The following MIGA2 variants were observed in gnomAD, a reference collection of about 807,000 sequenced individuals.
MIGA2 encodes the protein mitoguardin 2.
MIGA2 carries 36 observed loss-of-function variants against 69.9 expected under a neutral mutation model. The observed-to-expected ratio is 0.52, with a 90% confidence interval of 0.39 to 0.68. MIGA2 has a LOEUF of 0.68. MIGA2 is among the 30% of genes least tolerant of loss of function. MIGA2 has a pLI of 0.00. For missense variants in MIGA2, 660 were observed against 787.7 expected, an observed-to-expected ratio of 0.84 and a Z score of 1.94; for synonymous variants, 333 against 349.2, an observed-to-expected ratio of 0.95 and a Z score of 0.52.
intron 1 of MIGA2, among the ~76,000 whole-genome samples, chr9:129,037,541 G>A (rs1844660289): frequency 1.3e-5 from 2 of 152,116 alleles, no homozygotes; most frequent in South Asian, 4.1e-4. Flanking sequence ...GGTGCCAGGG[G>A]GACGGACACA....
At chr9:129,048,143 T>G (rs1845327299) in intron 3 of MIGA2, among the ~76,000 whole-genome samples, 1 of 152,236 alleles carries the variant, frequency 6.6e-6, no homozygotes, top group African/African-American at 2.4e-5. Flanking sequence ...GGAAAGCAGA[T>G]GGACCTCATT....
intron 1 of MIGA2, among the ~76,000 whole-genome samples, chr9:129,037,248 G>C (rs17485793): frequency 0.019 from 2,940 of 152,208 alleles, 103 homozygotes; most frequent in African/African-American, 0.067. Flanking sequence ...CGGAATGAGT[G>C]AGTGCACAGG....
At chr9:129,041,371 G>C (rs1844896965) in intron 2 of MIGA2, among the ~76,000 whole-genome samples, 1 of 151,844 alleles carries the variant, frequency 6.6e-6, no homozygotes, top group Non-Finnish European at 1.5e-5. Context: ...GCAGGTGCCT[G>C]TAATCCCAGC....
At position 129,070,490 on chromosome 9, in the gene MIGA2, C is replaced by T. The variant is rs1158442923; in HGVS notation, c.*37C>T. ...GCTGGGGGGTGGCAGAGAGAAGGCT[C>T]CTCCTCCCTTCCCTGGGTTGGTATC... On this transcript the variant is annotated 3_prime_UTR_variant, in exon 16 of 16. Transcript: ENST00000684074. 2.0e-6 allele frequency: 3 copies of T among 1,482,186 alleles called. No individual in the cohort carries two copies. Among genetic ancestry groups the T allele is most frequent in the Non-Finnish European group, 2.7e-6 (3 of 1,114,054 alleles). The allele number at this position is 1,482,186 out of a possible 1,614,324, so 91.8% of individuals were successfully genotyped here. A position where few individuals can be genotyped will look rare whatever the true frequency, so the allele number is the denominator to read the frequency against.
intron 6 of MIGA2, chr9:129,051,321 A>G: frequency 5.6e-6 from 1 of 179,504 alleles, no homozygotes; most frequent in Non-Finnish European, 1.1e-5. Context: ...CTCTGTTGCC[A>G]GGCTGGAGTG....
intron 3 of MIGA2, among the ~76,000 whole-genome samples, chr9:129,043,193 C>CA (rs369584721): frequency 0.072 from 9,395 of 130,604 alleles, 394 homozygotes; most frequent in East Asian, 0.13. Context: ...GACTCCGTCT[C>CA]AAAAAAAAAA....
Position 129,069,707 on chromosome 9 carries a change from G to A in MIGA2, c.1459-142G>A, listed in dbSNP as rs1318130731. ...AAGTTAAAATGGGCTTCGAAAGCTT[G>A]AGTCACTGCCCAGGGTCATCTAGCA... On this transcript the variant is annotated intron_variant, in intron 14 of 15. Transcript: ENST00000684074. This position sits in a 1 kb window ranked among gnomAD's most constrained non-coding sequence, Gnocchi z 4.9. The A allele has an allele frequency of 1.1e-5, 8 of 714,362 alleles. No homozygotes were observed. Among genetic ancestry groups the A allele is most frequent in the Non-Finnish European group, 1.8e-5 (7 of 393,532 alleles). The allele number at this position is 714,362 out of a possible 1,614,324, so 44.3% of individuals were successfully genotyped here.
intron 12 of MIGA2, 89 bp downstream of exon 12, chr9:129,067,960 C>T: frequency 6.9e-7 from 1 of 1,447,188 alleles, no homozygotes; most frequent in Non-Finnish European, 9.5e-7. Context: ...TAGCTCAGTT[C>T]CAAGCGGCTG....
chr9:129,051,251 G>T (rs1845516203), intron 6 of MIGA2: 1 of 173,270 alleles, frequency 5.8e-6, no homozygotes, highest in Non-Finnish European at 1.1e-5. Flanking sequence ...TTTCAACAGT[G>T]AATTATTTAT....
Position 129,059,006 on chromosome 9 carries a change from A to G in MIGA2, c.676-148A>G. On this transcript the variant is annotated intron_variant, in intron 6 of 15. Transcript: ENST00000684074. This position sits in a 1 kb window ranked among gnomAD's most constrained non-coding sequence, Gnocchi z 5.6. ...GCCAGAAGTGGCTGGTGGCTCCTCTATCGAGCAGTGAAGTTTTGGAGTTTA... is the reference window on the plus strand; with the variant it reads ...GCCAGAAGTGGCTGGTGGCTCCTCTGTCGAGCAGTGAAGTTTTGGAGTTTA... 3.1e-6 allele frequency: 2 copies of G among 646,310 alleles called. No homozygotes were observed. The highest frequency in any genetic ancestry group is 5.5e-6 in the Non-Finnish European group (2 of 366,928). 40.0% of individuals were successfully genotyped at this position (646,310 alleles called of 1,614,324 possible).
chr9:129,049,782 A>T (rs1407868721), intron 5 of MIGA2, 45 bp from the exon 6 acceptor site: 1 of 1,611,424 alleles, frequency 6.2e-7, no homozygotes, highest in Non-Finnish European at 8.5e-7. Context: ...CTTGGGTGAG[A>T]CTGTGGAGGT....
intron 2 of MIGA2, among the ~76,000 whole-genome samples, chr9:129,041,907 T>C (rs147938808): frequency 6.1e-4 from 93 of 152,318 alleles, no homozygotes; most frequent in African/African-American, 1.9e-3. Flanking sequence ...TCTGCCTCTG[T>C]CACCTTGAGT....
chr9:129,042,459 G>A lies in MIGA2; in HGVS notation c.252G>A (p.Leu84=). The change falls in exon 3 of 16, where the codon CTG becomes CTA. Residue 84 remains leucine, a synonymous_variant. Coordinates refer to ENST00000684074, the MANE Select transcript of MIGA2 (RefSeq NM_001329990.2). ...QVGPEMGGEQ[L]GTVPLPILLA... is the part of the protein sequence containing the mutation. The stretch of plus-strand genomic sequence containing the variant: ...GTCCCGAGATGGGAGGGGAGCAGCT[G>A]GGCACGGTGCCCCTCCCTATCCTCT... The A allele has an allele frequency of 1.2e-6, 2 of 1,607,172 alleles. No individual in the cohort carries two copies. The highest frequency in any genetic ancestry group is 1.7e-6 in the Non-Finnish European group (2 of 1,177,362).
chr9:129,061,423 C>A lies in MIGA2; in HGVS notation c.1010+77C>A. The A allele has an allele frequency of 7.5e-7, 1 of 1,341,712 alleles. No individual in the cohort carries two copies. The highest frequency in any genetic ancestry group is 1.0e-6 in the Non-Finnish European group (1 of 971,552). 83.1% of individuals were successfully genotyped at this position (1,341,712 alleles called of 1,614,324 possible). A position where few individuals can be genotyped will look rare whatever the true frequency, so the allele number is the denominator to read the frequency against. ...CTGGCCCTTGCGGGAGGCGGAGAAGCCAGCGGTGCTTGGCGAGGACTTAGC... is the reference window on the plus strand; with the variant it reads ...CTGGCCCTTGCGGGAGGCGGAGAAGACAGCGGTGCTTGGCGAGGACTTAGC... On this transcript the variant is annotated intron_variant, in intron 9 of 15. Transcript: ENST00000684074. This position sits in a 1 kb window ranked among gnomAD's most constrained non-coding sequence, Gnocchi z 5.0.
chr9:129,062,263 G>T (rs1412422790), intron 9 of MIGA2, among the ~76,000 whole-genome samples: 4 of 151,602 alleles, frequency 2.6e-5, no homozygotes, highest in Non-Finnish European at 5.9e-5. Context: ...GGGCAGGGTG[G>T]CTCATGCCTA....
intron 9 of MIGA2, among the ~76,000 whole-genome samples, chr9:129,062,463 CAG>C (rs1846114199): frequency 6.9e-6 from 1 of 145,262 alleles, no homozygotes; most frequent in African/African-American, 2.6e-5. Flanking sequence ...ACCCGGGAGG[CAG>C]AGGTTGCAGT....
In MIGA2 at chr9:129,059,059, C is replaced by A; in HGVS notation, c.676-95C>A. The A allele has an allele frequency of 9.1e-7, 1 of 1,096,876 alleles. No individual in the cohort carries two copies. The highest frequency in any genetic ancestry group is 1.4e-5 in the South Asian group (1 of 73,978). The allele number at this position is 1,096,876 out of a possible 1,614,324, so 67.9% of individuals were successfully genotyped here. On this transcript the variant is annotated intron_variant, in intron 6 of 15. Coordinates refer to ENST00000684074, the MANE Select transcript of MIGA2 (RefSeq NM_001329990.2). This position sits in a 1 kb window ranked among gnomAD's most constrained non-coding sequence, Gnocchi z 5.6. ...TGCTTAGCTGCTGGGTCCTAGAGCT[C>A]CTCCCCTTTCCCCAGGGACCTGGGG... is the stretch of plus-strand genomic sequence containing the variant.
rs773242452 is a variant in MIGA2 at position 129,042,487 on chromosome 9, G to T, written c.280G>T (p.Ala94Ser). ...CACGGTGCCCCTCCCTATCCTCTTG[G>T]CCAGGAAGGTCCCTTCAGTGAAGAA... ...LGTVPLPILL[A>S]RKVPSVKKGY... Residue 94 changes from alanine to serine, a missense_variant, in exon 3 of 16, where the codon GCC becomes TCC. Physicochemically the swap from Ala to Ser is moderately conservative, Grantham distance 99 (BLOSUM62 1). Transcript: ENST00000684074. 6 of 1,589,026 alleles carry T rather than the reference G, an allele frequency of 3.8e-6. No homozygotes were observed. The highest frequency in any genetic ancestry group is 5.1e-6 in the Non-Finnish European group (6 of 1,168,526).
chr9:129,058,334 T>C (rs1043847317), intron 6 of MIGA2, among the ~76,000 whole-genome samples: 4 of 150,978 alleles, frequency 2.6e-5, no homozygotes, highest in African/African-American at 4.9e-5. Flanking sequence ...ACTCAGGAGG[T>C]TGAGATTGTG....
Sources: allele counts gnomAD v4.1 joint callset (sites outside exome capture counted in the v4.1 genomes callset), GRCh38; gene constraint gnomAD v4.1.1; non-coding constraint Gnocchi (gnomAD v3.1); transcripts MANE v1.5; gene names NCBI Gene and HGNC (gene_info 2026-07-23, HGNC 2026-07-21).